Variants in SERPINF2 observed in about 807,000 individuals in gnomAD.
The protein encoded by SERPINF2 is alpha-2-antiplasmin.
Under a neutral mutation model 45.0 loss-of-function variants are expected in SERPINF2, and 15 were observed. The observed-to-expected ratio is 0.33, with a 90% confidence interval of 0.22 to 0.51. The LOEUF is 0.51. Ranked by LOEUF, SERPINF2 falls within the 20% of genes least tolerant of loss-of-function variation. The pLI is 0.97. For synonymous variants in SERPINF2, 283 were observed against 277.9 expected, an observed-to-expected ratio of 1.02 and a Z score of -0.18; for missense variants, 518 against 637.4, an observed-to-expected ratio of 0.81 and a Z score of 2.02.
Position 1,745,158 on chromosome 17 carries a change from C to T in SERPINF2, c.64-17C>T. On this transcript the variant is annotated splice_polypyrimidine_tract_variant and intron_variant, in intron 2 of 9. Transcript: ENST00000453066. The surrounding 1 kb of genome is among the most constrained non-coding windows in gnomAD (Gnocchi z 6.2). ...TGGCTCCGAGGGGACCTCCTATCCT[C>T]ATCCCTTTCTCCACAGTTCTCCCCT... is the stretch of plus-strand genomic sequence containing the variant. 3 of 1,578,204 alleles carry T rather than the reference C, an allele frequency of 1.9e-6. No homozygotes were observed. Among genetic ancestry groups the T allele is most frequent in the Non-Finnish European group, 2.6e-6 (3 of 1,162,480 alleles).
intron 1 of SERPINF2, among the ~76,000 whole-genome samples, chr17:1,743,311 C>T (rs897227086): frequency 2.0e-5 from 3 of 152,242 alleles, no homozygotes; most frequent in African/African-American, 7.2e-5. Context: ...ATTCACTGGG[C>T]TCTGCTGCTG....
Position 1,754,721 on chromosome 17 carries a change from G to A in SERPINF2, c.*187G>A, listed in dbSNP as rs2151198725. 1 of 670,336 alleles carries A rather than the reference G, an allele frequency of 1.5e-6. No individual in the cohort carries two copies. Among genetic ancestry groups the A allele is most frequent in the South Asian group, 2.0e-5 (1 of 49,746 alleles). The allele number at this position is 670,336 out of a possible 1,614,324, so 41.5% of individuals were successfully genotyped here. On this transcript the variant is annotated 3_prime_UTR_variant, in exon 10 of 10. Coordinates refer to ENST00000453066, the MANE Select transcript of SERPINF2 (RefSeq NM_000934.4). ...CGCGGCTGGGAGGAGGGCAGGCATCGGGGAGCCGGGAGCCTGACCCTCATC... is the reference window on the plus strand; with the variant it reads ...CGCGGCTGGGAGGAGGGCAGGCATCAGGGAGCCGGGAGCCTGACCCTCATC...
intron 8 of SERPINF2, among the ~76,000 whole-genome samples, chr17:1,750,237 C>T (rs1248204766): frequency 6.6e-6 from 1 of 152,164 alleles, no homozygotes. Flanking sequence ...CAATCTCTAC[C>T]TCCCGGGTTC....
At position 1,748,614 on chromosome 17, in the gene SERPINF2, G is replaced by C. The variant is rs1906091547; in HGVS notation, c.732G>C (p.Lys244Asn). Reference sequence around the variant, plus strand: ...GGGTTTCAGGTTTCTGGAGGAACAAGTTTGACCCGAGCCTTACCCAGAGAG... The same window carrying C: ...GGGTTTCAGGTTTCTGGAGGAACAACTTTGACCCGAGCCTTACCCAGAGAG... ...AIHFQGFWRN[K>N]FDPSLTQRDS... is the part of the protein sequence containing the mutation. Residue 244 changes from lysine (K) to asparagine (N), a missense_variant, in exon 8 of 10, where the codon AAG becomes AAC. By Grantham distance (94) the Lys-to-Asn change is moderately conservative. Transcript: ENST00000453066. The C allele has an allele frequency of 6.2e-7, 1 of 1,613,948 alleles. No individual in the cohort carries two copies. The highest frequency in any genetic ancestry group is 8.5e-7 in the Non-Finnish European group (1 of 1,180,052).
chr17:1,749,110 C>T (rs1052113345), intron 8 of SERPINF2, among the ~76,000 whole-genome samples: 2 of 152,158 alleles, frequency 1.3e-5, no homozygotes, highest in Non-Finnish European at 2.9e-5. Flanking sequence ...CGCTGGGAAG[C>T]GCTGTGGAGG....
At position 1,748,725 on chromosome 17, in the gene SERPINF2, G is replaced by A. The variant is rs972027512; in HGVS notation, c.843G>A (p.Glu281=). The A allele has an allele frequency of 1.3e-5, 20 of 1,500,598 alleles. No homozygotes were observed. Among genetic ancestry groups the A allele is most frequent in the Non-Finnish European group, 1.9e-5 (20 of 1,076,952 alleles). 93.0% of individuals were successfully genotyped at this position (1,500,598 alleles called of 1,614,324 possible). The change falls in exon 8 of 10, where the codon GAG becomes GAA. Residue 281 remains glutamate (E), a synonymous_variant. Coordinates refer to ENST00000453066, the MANE Select transcript of SERPINF2 (RefSeq NM_000934.4). ...RTYPLRWFLL[E]QPEIQVAHFP... ...ACCCGCTGCGCTGGTTCTTGCTGGA[G>A]CAGCCTGAGATCCAGGTCACCCTTG...
rs755274632 is a variant in SERPINF2, at chr17:1,754,326, C to T, written c.1268C>T (p.Thr423Ile). 1.2e-6 allele frequency: 2 copies of T among 1,614,180 alleles called. No homozygotes were observed. The highest frequency in any genetic ancestry group is 1.7e-6 in the Non-Finnish European group (2 of 1,180,032). The change falls in exon 10 of 10, where the codon ACC becomes ATC. Residue 423 changes from threonine (T) to isoleucine (I), a missense_variant. Coordinates refer to ENST00000453066, the MANE Select transcript of SERPINF2 (RefSeq NM_000934.4). ...TTCCTCTTCTTCATCTTCGAGGACA[C>T]CACAGGCCTTCCCCTCTTCGTGGGC... Reference protein sequence around the residue: ...RPFLFFIFEDTTGLPLFVGSV... With the variant: ...RPFLFFIFEDITGLPLFVGSV...
chr17:1,752,831 G>C, intron 9 of SERPINF2, 41 bp downstream of exon 9: 1 of 1,544,984 alleles, frequency 6.5e-7, no homozygotes, highest in Non-Finnish European at 8.8e-7. Context: ...GGTCAGGCTG[G>C]GCAGGGCGGG....
rs146511927 is a variant in SERPINF2, at chr17:1,754,411, G to T, written c.1353G>T (p.Pro451=). ...PRELKEQQDS[P]GNKDFLQSLK... is the part of the protein sequence containing the mutation. The stretch of plus-strand genomic sequence containing the variant: ...AGCTCAAGGAACAGCAGGATTCCCC[G>T]GGCAACAAGGACTTCCTCCAGAGCC... The change falls in exon 10 of 10, where the codon CCG becomes CCT. Residue 451 remains proline (P), a synonymous_variant. Transcript: ENST00000453066. 2.5e-6 allele frequency: 4 copies of T among 1,613,256 alleles called. No individual in the cohort carries two copies. Among genetic ancestry groups the T allele is most frequent in the Middle Eastern group, 1.7e-4 (1 of 6,056 alleles).
rs1396376094 is a variant in SERPINF2 at position 1,754,584 on chromosome 17, C to T, written c.*50C>T. 1.3e-6 allele frequency: 2 copies of T among 1,572,494 alleles called. No individual in the cohort carries two copies. The highest frequency in any genetic ancestry group is 2.3e-5 in the South Asian group (2 of 87,896). On this transcript the variant is annotated 3_prime_UTR_variant, in exon 10 of 10. Coordinates refer to ENST00000453066, the MANE Select transcript of SERPINF2 (RefSeq NM_000934.4). The stretch of plus-strand genomic sequence containing the variant: ...GTCCCTGCCTGGACCAGCCTCTCCA[C>T]TCATGTGACTCTTTCCAACCGGCTT...
chr17:1,748,076 G>C (rs1906016807), intron 7 of SERPINF2, among the ~76,000 whole-genome samples: 1 of 151,804 alleles, frequency 6.6e-6, no homozygotes. Context: ...GAGGCGGGCA[G>C]ATCATGAGGT....
intron 5 of SERPINF2, among the ~76,000 whole-genome samples, chr17:1,746,580 C>T (rs1041380679): frequency 1.3e-5 from 2 of 151,898 alleles, no homozygotes; most frequent in Non-Finnish European, 2.9e-5. Flanking sequence ...GCACCAGCCA[C>T]CATGCACAGC....
chr17:1,749,900 G>A (rs965306136), intron 8 of SERPINF2, among the ~76,000 whole-genome samples: 3 of 152,174 alleles, frequency 2.0e-5, no homozygotes, highest in Non-Finnish European at 4.4e-5. Context: ...CGCTCACACA[G>A]TGCTCCTTAG....
rs1271257441 is a variant in SERPINF2, at chr17:1,752,462, T to A, written c.859-124T>A. The A allele has an allele frequency of 1.3e-5, 11 of 818,656 alleles. No homozygotes were observed. The Admixed American group carries it at 1.9e-4, about 14-fold the overall frequency. 50.7% of individuals were successfully genotyped at this position (818,656 alleles called of 1,614,324 possible). On this transcript the variant is annotated intron_variant, in intron 8 of 9. Coordinates refer to ENST00000453066, the MANE Select transcript of SERPINF2 (RefSeq NM_000934.4). ...GTGAGGAAGTGGAGGAGCAGTGGGGTCAGTCACACGCCTGGCAGGATGGCC... is the reference window on the plus strand; with the variant it reads ...GTGAGGAAGTGGAGGAGCAGTGGGGACAGTCACACGCCTGGCAGGATGGCC...
rs768383854 is a variant in SERPINF2, at chr17:1,754,558, A to G, written c.*24A>G. The G allele has an allele frequency of 1.2e-5, 19 of 1,600,526 alleles. No individual in the cohort carries two copies. The highest frequency in any genetic ancestry group is 1.6e-5 in the Non-Finnish European group (19 of 1,178,478). The stretch of plus-strand genomic sequence containing the variant: ...GAGGGGCCGTGGCTGTGGCATCCAG[A>G]GTCCCTGCCTGGACCAGCCTCTCCA... On this transcript the variant is annotated 3_prime_UTR_variant, in exon 10 of 10. Coordinates refer to ENST00000453066, the MANE Select transcript of SERPINF2 (RefSeq NM_000934.4).
At position 1,745,589 on chromosome 17, in the gene SERPINF2, C is replaced by A; in HGVS notation, c.166-119C>A. On this transcript the variant is annotated intron_variant, in intron 4 of 9. Transcript: ENST00000453066. This position sits in a 1 kb window ranked among gnomAD's most constrained non-coding sequence, Gnocchi z 6.2. ...CAGTGCCCTCCGTCTGACGCTCCCT[C>A]TTCCCTGGGGCTGGGACAAGGCCCT... 1.6e-6 allele frequency: 2 copies of A among 1,240,688 alleles called. No individual in the cohort carries two copies. The highest frequency in any genetic ancestry group is 2.3e-6 in the Non-Finnish European group (2 of 869,910). 76.9% of individuals were successfully genotyped at this position (1,240,688 alleles called of 1,614,324 possible).
rs561282969 is a variant in SERPINF2 at position 1,745,329 on chromosome 17, G to A, written c.103-4G>A. 2.0e-5 allele frequency: 32 copies of A among 1,613,272 alleles called. No homozygotes were observed. Among genetic ancestry groups the A allele is most frequent in the Admixed American group, 6.7e-5 (4 of 59,972 alleles). On this transcript the variant is annotated splice_region_variant and splice_polypyrimidine_tract_variant and intron_variant, in intron 3 of 9. Transcript: ENST00000453066. The surrounding 1 kb of genome is among the most constrained non-coding windows in gnomAD (Gnocchi z 6.2). ...GGTCTCCATCTGCTTGCTCCTTTCC[G>A]CAGCTAACTAGCGGGCCGAACCAGG...
chr17:1,744,043 C>A (rs1414258471), intron 1 of SERPINF2, among the ~76,000 whole-genome samples: 8 of 151,362 alleles, frequency 5.3e-5, no homozygotes, highest in East Asian at 2.0e-4. Context: ...TTACAGGGGC[C>A]CACCACCACG....
At position 1,749,823 on chromosome 17, in the gene SERPINF2, G is replaced by A. The variant is rs542695014; in HGVS notation, c.858+1083G>A. 2.0e-5 allele frequency among the ~76,000 whole-genome samples: 3 copies of A among 152,066 alleles called. No individual in the cohort carries two copies. In the East Asian group the frequency reaches 5.8e-4, roughly 29 times the overall value. On this transcript the variant is annotated intron_variant, in intron 8 of 9. Coordinates refer to ENST00000453066, the MANE Select transcript of SERPINF2 (RefSeq NM_000934.4). ...GCCCATGGACTTTGGGGCAGCACAG[G>A]GACCACCCCACGGCCATGTAGCCAC...
Sources: gnomAD v4.1 joint callset for allele counts (sites outside exome capture counted in the v4.1 genomes callset) on GRCh38, gnomAD v4.1.1 for gene constraint, Gnocchi (gnomAD v3.1) non-coding constraint, MANE v1.5 for transcripts, NCBI Gene and HGNC (gene_info 2026-07-23, HGNC 2026-07-21) for gene names.